Variants in LONRF1 observed in about 807,000 individuals in gnomAD.
LONRF1 encodes the protein LON peptidase N-terminal domain and RING finger protein 1.
LONRF1 carries 37 observed loss-of-function variants against 85.8 expected under a neutral mutation model. That is an observed-to-expected ratio of 0.43 (90% CI 0.33 to 0.57). The LOEUF (loss-of-function observed/expected upper bound fraction) is 0.57. LONRF1 is among the 20% of genes least tolerant of loss of function. The pLI is 0.04. For missense variants in LONRF1, 1,036 were observed against 978.0 expected (o/e 1.06, Z -0.79); for synonymous variants, 517 against 390.1 (o/e 1.33, Z -3.83).
At chr8:12,746,907 T>C (rs975852057) in intron 1 of LONRF1, among the ~76,000 whole-genome samples, 4 of 152,214 alleles carry the variant, frequency 2.6e-5, no homozygotes, top group South Asian at 2.1e-4. Context: ...AATCGGTGCA[T>C]AGTACTTAGA....
chr8:12,738,382 G>C lies in LONRF1; in HGVS notation c.964-238C>G, dbSNP rs539199306. On this transcript the variant is annotated intron_variant, in intron 3 of 11. Coordinates refer to ENST00000398246, the MANE Select transcript of LONRF1 (RefSeq NM_152271.5). ...TCAAAACTTTGAAAGGAAAGCATGGGAGTAGTAAGACTCAGGATAAAGGCT... is the reference window on the plus strand; with the variant it reads ...TCAAAACTTTGAAAGGAAAGCATGGCAGTAGTAAGACTCAGGATAAAGGCT... 1.0e-3 allele frequency among the ~76,000 whole-genome samples: 154 copies of C among 152,202 alleles called. 1 individual carries two copies. The highest frequency in any genetic ancestry group is 3.5e-3 in the African/African-American group (144 of 41,546).
At chr8:12,725,644 G>A in intron 11 of LONRF1, 83 bp downstream of exon 11, 2 of 1,377,982 alleles carry the variant, frequency 1.5e-6, no homozygotes, top group East Asian at 2.3e-5. Context: ...GTGCAGAAAG[G>A]ACAATGAGAA....
chr8:12,752,165 T>C (rs941436760), intron 1 of LONRF1, among the ~76,000 whole-genome samples: 1 of 152,214 alleles, frequency 6.6e-6, no homozygotes, highest in Non-Finnish European at 1.5e-5. Context: ...AGTGAAGATC[T>C]TTTTTCATTA....
At chr8:12,744,936 C>G (rs1799086495) in intron 1 of LONRF1, among the ~76,000 whole-genome samples, 1 of 152,066 alleles carries the variant, frequency 6.6e-6, no homozygotes. Context: ...TATTTGATGA[C>G]ATGCACGTTC....
chr8:12,753,791 C>T (rs1481691866), intron 1 of LONRF1: 1 of 152,286 alleles, frequency 6.6e-6, no homozygotes, highest in African/African-American at 2.4e-5. Flanking sequence ...GAGGCTGCTT[C>T]TTGGAGACTA....
At chr8:12,726,295 G>T (rs1005972703) in intron 10 of LONRF1, among the ~76,000 whole-genome samples, 1 of 152,176 alleles carries the variant, frequency 6.6e-6, no homozygotes, top group African/African-American at 2.4e-5. Context: ...AAGTAGTTAG[G>T]GTGTAGATGA....
Position 12,735,304 on chromosome 8 carries a change from G to A in LONRF1, c.1548C>T (p.Cys516=). The A allele has an allele frequency of 6.2e-7, 1 of 1,602,478 alleles. No homozygotes were observed. The highest frequency in any genetic ancestry group is 8.5e-7 in the Non-Finnish European group (1 of 1,172,702). ...TATTTACCTCTTTTAAGCTTTCTTT[G>A]CAAAGAGGACAATATGGTGCATGAT... The part of the protein sequence containing the change: ...CLDHAPYCPL[C]KESLKEYLAD... The change falls in exon 7 of 12, where the codon TGC becomes TGT. Residue 516 remains cysteine (C), a synonymous_variant. Transcript: ENST00000398246.
intron 7 of LONRF1, among the ~76,000 whole-genome samples, chr8:12,733,608 T>C (rs1209098465): frequency 2.0e-5 from 3 of 152,114 alleles, no homozygotes; most frequent in African/African-American, 7.2e-5. Context: ...TGTCATAATA[T>C]CTTCGATTAC....
chr8:12,747,747 A>T (rs1257459041), intron 1 of LONRF1, among the ~76,000 whole-genome samples: 1 of 51,512 alleles, frequency 1.9e-5, no homozygotes, highest in Admixed American at 3.5e-4. Context: ...GGTTGACTGA[A>T]ATCTCTCTCT....
intron 3 of LONRF1, among the ~76,000 whole-genome samples, chr8:12,740,255 A>G (rs1798879308): frequency 6.6e-6 from 1 of 152,226 alleles, no homozygotes; most frequent in Non-Finnish European, 1.5e-5. Flanking sequence ...TAAGTCTTGC[A>G]AGAGCTGAGT....
Position 12,743,237 on chromosome 8 carries a change from G to C in LONRF1, c.767C>G (p.Ala256Gly), listed in dbSNP as rs1283710152. ...GGCTGCTTTAAACTCTTGGAGACCAGCATATGATTCCGCTCTGTAAATTTT... is the reference window on the plus strand; with the variant it reads ...GGCTGCTTTAAACTCTTGGAGACCACCATATGATTCCGCTCTGTAAATTTT... ...IVKIYRAESY[A>G]GLQEFKAAIE... The change falls in exon 2 of 12, where the codon GCT becomes GGT. Residue 256 changes from alanine to glycine, a missense_variant. By Grantham distance (60) the Ala-to-Gly change is moderately conservative (BLOSUM62 0). Transcript: ENST00000398246. 1 of 1,612,896 alleles carries C rather than the reference G, an allele frequency of 6.2e-7. No homozygotes were observed. The highest frequency in any genetic ancestry group is 1.1e-5 in the South Asian group (1 of 91,008).
chr8:12,754,449 A>G (rs1215987178), intron 1 of LONRF1: 1 of 321,272 alleles, frequency 3.1e-6, no homozygotes, highest in East Asian at 5.5e-5. Flanking sequence ...GGCCGAGGGA[A>G]CCCCGCGCCG....
rs867581799 is a variant in LONRF1, at chr8:12,754,575, C to G, written c.721+125G>C. 5.5e-5 allele frequency: 62 copies of G among 1,135,356 alleles called. No homozygotes were observed. In the African/African-American group the frequency reaches 9.2e-4, roughly 17 times the overall value. The allele number at this position is 1,135,356 out of a possible 1,614,324, so 70.3% of individuals were successfully genotyped here. ...CCCCAGCACCCCGAGACCCGACACGCCAGCGGCCCAGCGGCCCCGGGGAAG... is the reference window on the plus strand; with the variant it reads ...CCCCAGCACCCCGAGACCCGACACGGCAGCGGCCCAGCGGCCCCGGGGAAG... On this transcript the variant is annotated intron_variant, in intron 1 of 11. Transcript: ENST00000398246.
intron 2 of LONRF1, among the ~76,000 whole-genome samples, chr8:12,742,398 A>G (rs1798971386): frequency 6.6e-6 from 1 of 152,212 alleles, no homozygotes; most frequent in Non-Finnish European, 1.5e-5. Context: ...ACTGTATGTT[A>G]TACACATTCC....
In LONRF1 at chr8:12,738,329, G is replaced by A. The variant is rs181386837; in HGVS notation, c.964-185C>T. Among the ~76,000 whole-genome samples the A allele has an allele frequency of 2.8e-3, 429 of 152,202 alleles. 1 individual carries two copies. The highest frequency in any genetic ancestry group is 4.5e-3 in the Non-Finnish European group (309 of 67,982). On this transcript the variant is annotated intron_variant, in intron 3 of 11. Coordinates refer to ENST00000398246, the MANE Select transcript of LONRF1 (RefSeq NM_152271.5). ...TCTTGCAAAATTAGGTGTGCCTCAT[G>A]GGGTCAAATCACCCGCAAACAAATG...
chr8:12,754,647 C>T, intron 1 of LONRF1, 53 bp downstream of exon 1: 3 of 1,259,874 alleles, frequency 2.4e-6, no homozygotes, highest in Non-Finnish European at 3.0e-6. Context: ...CCCCGGCCCT[C>T]GGGGCCAGGA....
chr8:12,726,706 A>C (rs1054548265), intron 10 of LONRF1, among the ~76,000 whole-genome samples: 1 of 152,144 alleles, frequency 6.6e-6, no homozygotes, highest in East Asian at 1.9e-4. Flanking sequence ...ATATGCACAA[A>C]CTCATCTGAA....
chr8:12,751,460 C>T (rs550667309), intron 1 of LONRF1, among the ~76,000 whole-genome samples: 34 of 150,994 alleles, frequency 2.3e-4, no homozygotes, highest in Admixed American at 7.9e-4. Flanking sequence ...TGCACCACCA[C>T]GCCTGGGTAA....
intron 3 of LONRF1, among the ~76,000 whole-genome samples, chr8:12,739,691 T>G (rs556058013): frequency 6.6e-6 from 1 of 152,316 alleles, no homozygotes; most frequent in African/African-American, 2.4e-5. Flanking sequence ...TTGTTTTGCA[T>G]CTACCTGATC....
Sources: allele counts gnomAD v4.1 joint callset (sites outside exome capture counted in the v4.1 genomes callset), GRCh38; gene constraint gnomAD v4.1.1; transcripts MANE v1.5; gene names NCBI Gene and HGNC (gene_info 2026-07-23, HGNC 2026-07-21).